Variants in ANKRD29 observed in about 807,000 individuals in gnomAD.
The protein encoded by ANKRD29 is ankyrin repeat domain-containing protein 29.
In ANKRD29, 32 loss-of-function variants were observed where a neutral mutation model predicts 38.0. The ratio of observed to expected loss-of-function variants is 0.84; its 90% confidence interval spans 0.64 to 1.13. The LOEUF (loss-of-function observed/expected upper bound fraction) is 1.13, where lower values mean the gene tolerates loss of function less well. Among genes scored for constraint, ANKRD29 ranks in the 50% most tolerant of loss-of-function variants. The pLI is 0.00. For synonymous variants in ANKRD29, 135 were observed against 152.4 expected (o/e 0.89, Z 0.84); for missense variants, 357 against 377.9 (o/e 0.94, Z 0.46).
intron 8 of ANKRD29, among the ~76,000 whole-genome samples, chr18:23,613,255 C>T (rs897650469): frequency 5.3e-5 from 8 of 150,878 alleles, no homozygotes; most frequent in Non-Finnish European, 1.2e-4. Context: ...TCACTGCAAC[C>T]TCTGCCTCCA....
chr18:23,662,426 A>G (rs1049439140), intron 1 of ANKRD29, among the ~76,000 whole-genome samples: 3 of 152,136 alleles, frequency 2.0e-5, no homozygotes, highest in Non-Finnish European at 4.4e-5. Flanking sequence ...TTACCCGGCG[A>G]CAGTCCCCGC....
At position 23,662,775 on chromosome 18, in the gene ANKRD29, G is replaced by T. The variant is rs1255199653; in HGVS notation, c.-45C>A. ...GGAGCCGGCGCGCTTTGGGCCCGGGGCGCCTTGTCCTCCCCGGCCCTTCAC... is the reference window on the plus strand; with the variant it reads ...GGAGCCGGCGCGCTTTGGGCCCGGGTCGCCTTGTCCTCCCCGGCCCTTCAC... On this transcript the variant is annotated 5_prime_UTR_variant, in exon 1 of 10. Coordinates refer to ENST00000592179, the MANE Select transcript of ANKRD29 (RefSeq NM_173505.4). 2.8e-6 allele frequency: 4 copies of T among 1,444,238 alleles called. No homozygotes were observed. Among genetic ancestry groups the T allele is most frequent in the Non-Finnish European group, 3.6e-6 (4 of 1,100,724 alleles). 89.5% of individuals were successfully genotyped at this position (1,444,238 alleles called of 1,614,324 possible).
chr18:23,658,366 C>T (rs1463517448), intron 1 of ANKRD29, among the ~76,000 whole-genome samples: 1 of 152,152 alleles, frequency 6.6e-6, no homozygotes, highest in Admixed American at 6.5e-5. Context: ...CGTGATTGTG[C>T]CAGCCTGGGC....
intron 9 of ANKRD29, among the ~76,000 whole-genome samples, chr18:23,611,423 T>C (rs947734509): frequency 6.6e-6 from 1 of 151,962 alleles, no homozygotes; most frequent in African/African-American, 2.4e-5. Context: ...GTGCCTCATG[T>C]GTGTAATCCC....
Position 23,657,648 on chromosome 18 carries a change from G to A in ANKRD29, c.21+5062C>T, listed in dbSNP as rs182776487. The stretch of plus-strand genomic sequence containing the variant: ...GACTTTCTGTCTCTATGGATTTGCC[G>A]ATTTTGGACATTGCATATAAATGGA... On this transcript the variant is annotated intron_variant, in intron 1 of 9. Transcript: ENST00000592179. 2.7e-3 allele frequency among the ~76,000 whole-genome samples: 411 copies of A among 152,248 alleles called. 3 individuals are homozygous for A. Among genetic ancestry groups the A allele is most frequent in the Non-Finnish European group, 4.6e-3 (314 of 68,028 alleles).
intron 6 of ANKRD29, among the ~76,000 whole-genome samples, chr18:23,625,660 A>T (rs2059853528): frequency 6.6e-6 from 1 of 152,176 alleles, no homozygotes. Context: ...TACTGCATTA[A>T]GAGTTTTGCA....
At chr18:23,628,884 G>A (rs1259019583) in intron 6 of ANKRD29, among the ~76,000 whole-genome samples, 1 of 151,104 alleles carries the variant, frequency 6.6e-6, no homozygotes, top group Non-Finnish European at 1.5e-5. Flanking sequence ...ACCTACACAA[G>A]AGAAGCTAAT....
In ANKRD29 at chr18:23,615,269, A is replaced by G. The variant is rs1212877918; in HGVS notation, c.723+2463T>C. 2.0e-5 allele frequency among the ~76,000 whole-genome samples: 3 copies of G among 152,192 alleles called. No homozygotes were observed. The East Asian group carries it at 5.8e-4, about 29-fold the overall frequency. ...AGCAGTCTTCCTGCCTCAGCCTCCC[A>G]AAGTGCTGGATTATAGGGATAAATC... On this transcript the variant is annotated intron_variant, in intron 8 of 9. Coordinates refer to ENST00000592179, the MANE Select transcript of ANKRD29 (RefSeq NM_173505.4).
intron 7 of ANKRD29, 131 bp downstream of exon 7, chr18:23,619,400 C>T (rs2059765856): frequency 4.6e-6 from 4 of 868,236 alleles, no homozygotes; most frequent in Non-Finnish European, 6.8e-6. Flanking sequence ...CAGACCTTGA[C>T]TTTGTTTTCC....
At position 23,599,208 on chromosome 18, in the gene ANKRD29, T is replaced by C. The variant is rs2059486120; in HGVS notation, c.*2018A>G. The C allele has an allele frequency of 6.6e-6, 1 of 152,242 alleles. No individual in the cohort carries two copies. The highest frequency in any genetic ancestry group is 2.4e-5 in the African/African-American group (1 of 41,470). 9.4% of individuals were successfully genotyped at this position (152,242 alleles called of 1,614,324 possible). On this transcript the variant is annotated 3_prime_UTR_variant, in exon 10 of 10. Coordinates refer to ENST00000592179, the MANE Select transcript of ANKRD29 (RefSeq NM_173505.4). ...ATTTTCCCTGCTATGGGTAATCTCA[T>C]CTAGATCAAATGTGATCCTTCTAAG...
chr18:23,603,921 C>A (rs1213456947), intron 9 of ANKRD29, among the ~76,000 whole-genome samples: 1 of 151,770 alleles, frequency 6.6e-6, no homozygotes, highest in Admixed American at 6.6e-5. Flanking sequence ...CGGCTCACTG[C>A]AACCTCTACC....
chr18:23,610,876 C>T (rs532548804), intron 9 of ANKRD29, among the ~76,000 whole-genome samples: 3 of 152,080 alleles, frequency 2.0e-5, no homozygotes, highest in East Asian at 1.9e-4. Context: ...AGACAGGCTT[C>T]GCCATGTTGC....
At chr18:23,613,233 C>T (rs1040320247) in intron 8 of ANKRD29, among the ~76,000 whole-genome samples, 2 of 136,668 alleles carry the variant, frequency 1.5e-5, no homozygotes, top group Non-Finnish European at 3.0e-5. Context: ...AGTGCAATGG[C>T]GCAATCTCAG....
At chr18:23,646,564 T>G (rs2060142933) in intron 2 of ANKRD29, 1 of 296,282 alleles carries the variant, frequency 3.4e-6, no homozygotes, top group Non-Finnish European at 6.3e-6. Flanking sequence ...TACTGCATTT[T>G]AAGGCAGCGA....
chr18:23,612,735 G>C (rs541841025), intron 8 of ANKRD29, among the ~76,000 whole-genome samples: 11 of 152,282 alleles, frequency 7.2e-5, no homozygotes, highest in African/African-American at 2.6e-4. Flanking sequence ...CCGGAGCTTT[G>C]AGTTGGAGCA....
At chr18:23,645,552 C>T (rs1294450453) in intron 3 of ANKRD29, among the ~76,000 whole-genome samples, 1 of 152,104 alleles carries the variant, frequency 6.6e-6, no homozygotes, top group African/African-American at 2.4e-5. Flanking sequence ...CCAGCCTGGG[C>T]CACAGGGCGA....
At chr18:23,656,940 C>G (rs2060291909) in intron 1 of ANKRD29, among the ~76,000 whole-genome samples, 1 of 152,158 alleles carries the variant, frequency 6.6e-6, no homozygotes, top group Non-Finnish European at 1.5e-5. Flanking sequence ...CTCCCTCTCT[C>G]CCTGCCTCAA....
At chr18:23,634,275 CCTGTTTTTTTTT>C in intron 4 of ANKRD29, 126 bp from the exon 5 acceptor site, 1 of 538,154 alleles carries the variant, frequency 1.9e-6, no homozygotes, top group Non-Finnish European at 3.1e-6. Flanking sequence ...ACTCACTTTC[CCTGTTTTTTTTT>C]TTTTTTTTTT....
intron 8 of ANKRD29, among the ~76,000 whole-genome samples, chr18:23,613,601 A>ATTT (rs1179381510): frequency 7.1e-6 from 1 of 141,090 alleles, no homozygotes. Flanking sequence ...TTACTTTACA[A>ATTT]TTTTTTTTTT....
Sources: gnomAD v4.1 joint callset for allele counts (sites outside exome capture counted in the v4.1 genomes callset) on GRCh38, gnomAD v4.1.1 for gene constraint, MANE v1.5 for transcripts, NCBI Gene and HGNC (gene_info 2026-07-23, HGNC 2026-07-21) for gene names.